The following NAV3 variants were observed in gnomAD, a reference collection of about 807,000 sequenced individuals.
The protein encoded by NAV3 is pore membrane and/or filament interacting like protein 1.
A neutral mutation model predicts 244.7 loss-of-function variants in NAV3; 87 were observed. The observed-to-expected ratio is 0.36, with a 90% CI of 0.30 to 0.42. The LOEUF (loss-of-function observed/expected upper bound fraction) is 0.42, where lower values mean the gene tolerates loss of function less well. Among genes scored for constraint, NAV3 ranks in the 20% least tolerant of loss-of-function variants. The pLI is 1.00. For synonymous variants in NAV3, 1,126 were observed against 1,042.2 expected, an observed-to-expected ratio of 1.08 and a Z score of -1.55; for missense variants, 2,663 against 2,893.3, an observed-to-expected ratio of 0.92 and a Z score of 1.83.
intron 2 of NAV3, among the ~76,000 whole-genome samples, chr12:77,641,733 C>T (rs1446368685): frequency 6.6e-6 from 1 of 152,042 alleles, no homozygotes; most frequent in Non-Finnish European, 1.5e-5. Context: ...TTCTTCAACA[C>T]ATATATGATC....
chr12:77,763,553 C>T (rs1869596195), intron 2 of NAV3, among the ~76,000 whole-genome samples: 1 of 152,114 alleles, frequency 6.6e-6, no homozygotes, highest in Non-Finnish European at 1.5e-5. Flanking sequence ...GAGTAATGCA[C>T]CATTGGTTGT....
At chr12:77,811,440 A>T (rs963666440) in intron 2 of NAV3, among the ~76,000 whole-genome samples, 5 of 152,196 alleles carry the variant, frequency 3.3e-5, no homozygotes. Flanking sequence ...AGTCTCCGTC[A>T]AATTATTTGG....
chr12:77,840,273 C>T (rs535395509), intron 1 of NAV3, among the ~76,000 whole-genome samples: 10 of 152,008 alleles, frequency 6.6e-5, no homozygotes, highest in Non-Finnish European at 1.2e-4. Context: ...GGAAGATGGG[C>T]ATTAAATGCC....
chr12:78,162,919 AAT>A (rs1390782122), intron 23 of NAV3, among the ~76,000 whole-genome samples: 79 of 130,480 alleles, frequency 6.1e-4, no homozygotes, highest in African/African-American at 1.8e-3. Flanking sequence ...TATATTATAT[AAT>A]ATATATATAA....
At chr12:77,810,577 A>T (rs1333844241) in intron 2 of NAV3, among the ~76,000 whole-genome samples, 1 of 152,230 alleles carries the variant, frequency 6.6e-6, no homozygotes, top group African/African-American at 2.4e-5. Flanking sequence ...AACTTTTAGA[A>T]TCAAAAAATA....
chr12:78,032,899 G>T (rs532992408), intron 9 of NAV3, among the ~76,000 whole-genome samples: 1 of 151,910 alleles, frequency 6.6e-6, no homozygotes, highest in Non-Finnish European at 1.5e-5. Flanking sequence ...TCTTCTATAG[G>T]TTCACACTTG....
At chr12:78,204,877 T>C in intron 38 of NAV3, 58 bp from the exon 39 acceptor site, 1 of 1,518,518 alleles carries the variant, frequency 6.6e-7, no homozygotes, top group South Asian at 1.2e-5. Flanking sequence ...AGCAGTCCCC[T>C]TTTTTGCTGA....
At chr12:77,741,311 C>G (rs891916016) in intron 2 of NAV3, among the ~76,000 whole-genome samples, 11 of 151,972 alleles carry the variant, frequency 7.2e-5, no homozygotes, top group African/African-American at 2.7e-4. Context: ...ATCAATTTAT[C>G]CACTACATGT....
At chr12:78,104,860 G>T (rs1374544408) in intron 12 of NAV3, among the ~76,000 whole-genome samples, 3 of 151,934 alleles carry the variant, frequency 2.0e-5, no homozygotes, top group Non-Finnish European at 4.4e-5. Flanking sequence ...TTTGAATCTG[G>T]CATCTTTAAC....
At chr12:78,010,904 G>A (rs1180353109) in intron 8 of NAV3, 6 of 151,918 alleles carry the variant, frequency 3.9e-5, no homozygotes, top group Non-Finnish European at 8.8e-5. Context: ...CACACACTGG[G>A]TGTTCAGAGT....
intron 12 of NAV3, among the ~76,000 whole-genome samples, chr12:78,116,565 T>C (rs1955389020): frequency 1.3e-5 from 2 of 152,204 alleles, no homozygotes; most frequent in Admixed American, 6.5e-5. Flanking sequence ...ACACTGATTC[T>C]TTCCAAATAT....
rs1254774673 is a variant in NAV3, at chr12:78,119,522, G to A, written c.3326G>A (p.Gly1109Glu). 1 of 1,614,172 alleles carries A rather than the reference G, an allele frequency of 6.2e-7. No individual in the cohort carries two copies. Among genetic ancestry groups the A allele is most frequent in the South Asian group, 1.1e-5 (1 of 91,082 alleles). Residue 1109 changes from glycine to glutamate, a missense_variant, in exon 15 of 40, where the codon GGG becomes GAG. Coordinates refer to ENST00000397909, the MANE Select transcript of NAV3 (RefSeq NM_001024383.2). ...GCCATTGGCGGGAAGTCAAATGCAG[G>A]GAGAAAAACCAGTTTGGACGGTTCA... Reference protein sequence around the residue: ...SAAIGGKSNAGRKTSLDGSQN... With the variant: ...SAAIGGKSNAERKTSLDGSQN...
intron 1 of NAV3, among the ~76,000 whole-genome samples, chr12:77,868,755 C>CA (rs35998964): frequency 0.56 from 58,013 of 103,250 alleles, 15,674 homozygotes; most frequent in South Asian, 0.65. Flanking sequence ...GACTCCATCT[C>CA]AAAAAAAAAA....
At position 77,626,829 on chromosome 12, in the gene NAV3, G is replaced by A. The variant is rs371627331; in HGVS notation, c.72+54563G>A. On this transcript the variant is annotated intron_variant, in intron 2 of 8. Transcript: ENST00000550042. ...CTTAAGGGAGTCATTAGGACTTCTG[G>A]GTAAAAACATGATATCTAATATAAT... Among the ~76,000 whole-genome samples the A allele has an allele frequency of 2.0e-5, 3 of 151,936 alleles. 1 individual carries two copies. Among genetic ancestry groups the A allele is most frequent in the East Asian group, 1.9e-4 (1 of 5,178 alleles).
intron 2 of NAV3, among the ~76,000 whole-genome samples, chr12:77,643,233 A>T (rs1009899182): frequency 3.0e-4 from 46 of 152,136 alleles, no homozygotes; most frequent in African/African-American, 1.1e-3. Context: ...TTAGAATTGT[A>T]ACTTTTAATA....
At chr12:78,209,333 CCTTT>C (rs1244467238) in intron 39 of NAV3, among the ~76,000 whole-genome samples, 1 of 143,028 alleles carries the variant, frequency 7.0e-6, no homozygotes, top group Non-Finnish European at 1.5e-5. Flanking sequence ...TTAGATTTCT[CCTTT>C]CTATTTCTGT....
chr12:77,603,274 T>C (rs1009975163), intron 2 of NAV3, among the ~76,000 whole-genome samples: 3 of 151,966 alleles, frequency 2.0e-5, no homozygotes, highest in Non-Finnish European at 4.4e-5. Flanking sequence ...AGAGAGCAAA[T>C]AAGGTAATAA....
intron 2 of NAV3, among the ~76,000 whole-genome samples, chr12:77,684,098 T>C (rs1406551582): frequency 6.6e-6 from 1 of 152,182 alleles, no homozygotes; most frequent in Admixed American, 6.5e-5. Flanking sequence ...AGACCTGCAT[T>C]AGGCATTATT....
chr12:77,676,813 A>G (rs1410859588), intron 2 of NAV3, among the ~76,000 whole-genome samples: 1 of 152,054 alleles, frequency 6.6e-6, no homozygotes, highest in African/African-American at 2.4e-5. Context: ...TGGATTGAGG[A>G]GAAAAGGCCC....
Sources: gnomAD v4.1 joint callset for allele counts (sites outside exome capture counted in the v4.1 genomes callset) on GRCh38, gnomAD v4.1.1 for gene constraint, MANE v1.5 for transcripts, NCBI Gene and HGNC (gene_info 2026-07-23, HGNC 2026-07-21) for gene names.